Variants in FGL1 observed in about 807,000 individuals in gnomAD.
FGL1 encodes fibrinogen-like protein 1.
Under a neutral mutation model 43.7 loss-of-function variants are expected in FGL1, and 59 were observed. The ratio of observed to expected loss-of-function variants is 1.35; its 90% CI spans 1.10 to 1.68. The LOEUF is 1.68. Ranked by LOEUF, FGL1 falls within the 40% of genes most tolerant of loss-of-function variation. FGL1 has a pLI of 0.00. For synonymous variants in FGL1, 192 were observed against 126.5 expected (o/e 1.52, Z -3.48); for missense variants, 596 against 373.0 (o/e 1.60, Z -4.92).
chr8:17,884,985 T>C (rs73580114), intron 2 of FGL1, among the ~76,000 whole-genome samples: 1 of 152,082 alleles, frequency 6.6e-6, no homozygotes, highest in Non-Finnish European at 1.5e-5. Context: ...ATAACTCCAG[T>C]GAATTTTTAA....
chr8:17,865,148 A>C (rs2053251818), intron 7 of FGL1, among the ~76,000 whole-genome samples: 1 of 152,146 alleles, frequency 6.6e-6, no homozygotes, highest in Non-Finnish European at 1.5e-5. Context: ...AATACAACCC[A>C]GGCCACTCAC....
At position 17,882,132 on chromosome 8, in the gene FGL1, C is replaced by T. The variant is rs2053545742; in HGVS notation, c.111G>A (p.Val37=). 6.2e-6 allele frequency: 10 copies of T among 1,614,006 alleles called. No homozygotes were observed. Among genetic ancestry groups the T allele is most frequent in the African/African-American group, 1.3e-5 (1 of 75,014 alleles). ...AQEQMRLRAQ[V]RLLETRVKQQ... ...GTTTGACCCGGGTCTCAAGCAGGCG[C>T]ACCTGGGCTCTGAGCCGCATCTGCT... The change falls in exon 3 of 8, where the codon GTG becomes GTA. Residue 37 remains valine (V), a synonymous_variant. Transcript: ENST00000427924.
At chr8:17,881,898 C>A (rs1249751917) in intron 3 of FGL1, 101 bp downstream of exon 3, 2 of 951,472 alleles carry the variant, frequency 2.1e-6, no homozygotes, top group African/African-American at 1.6e-5. Flanking sequence ...CTTCATATTG[C>A]TTGTTACTGA....
chr8:17,882,142 C>G lies in FGL1; in HGVS notation c.101G>C (p.Arg34Thr), dbSNP rs139229522. 1.1e-3 allele frequency: 1,697 copies of G among 1,613,938 alleles called. 3 individuals are homozygous for G. Among genetic ancestry groups the G allele is most frequent in the Non-Finnish European group, 1.3e-3 (1,590 of 1,179,994 alleles). The change falls in exon 3 of 8, where the codon AGA (arginine) becomes ACA (threonine). Residue 34 changes from arginine to threonine, a missense_variant. Coordinates refer to ENST00000427924, the MANE Select transcript of FGL1 (RefSeq NM_004467.4). Reference sequence around the variant, plus strand: ...GGTCTCAAGCAGGCGCACCTGGGCTCTGAGCCGCATCTGCTCCTGGGCACA... The same window carrying G: ...GGTCTCAAGCAGGCGCACCTGGGCTGTGAGCCGCATCTGCTCCTGGGCACA... ...EDCAQEQMRL[R>T]AQVRLLETRV...
intron 1 of FGL1, 193 bp from the exon 2 acceptor site, chr8:17,885,764 G>C: frequency 1.9e-6 from 1 of 521,066 alleles, no homozygotes; most frequent in South Asian, 2.8e-5. Context: ...AACTAGAATT[G>C]AATCTGTTTC....
intron 3 of FGL1, among the ~76,000 whole-genome samples, chr8:17,879,335 A>C (rs2131720838): frequency 6.6e-6 from 1 of 152,128 alleles, no homozygotes; most frequent in East Asian, 1.9e-4. Context: ...CTTACTTCCC[A>C]AAGTCTGCTC....
intron 5 of FGL1, among the ~76,000 whole-genome samples, chr8:17,871,184 A>G (rs1421741140): frequency 2.6e-5 from 4 of 152,160 alleles, no homozygotes; most frequent in African/African-American, 7.2e-5. Context: ...AGGCTAAGTC[A>G]ACTGTCTTTA....
chr8:17,876,208 T>A (rs1303310815), intron 3 of FGL1, among the ~76,000 whole-genome samples: 1 of 152,246 alleles, frequency 6.6e-6, no homozygotes, highest in Admixed American at 6.5e-5. Context: ...ATAATTCCAT[T>A]CTTGTAGCAT....
At chr8:17,873,212 T>G (rs997607277) in intron 5 of FGL1, among the ~76,000 whole-genome samples, 1 of 152,192 alleles carries the variant, frequency 6.6e-6, no homozygotes, top group Non-Finnish European at 1.5e-5. Flanking sequence ...GTGATTTGCT[T>G]TCACCAATAG....
Position 17,883,079 on chromosome 8 carries a change from T to G in FGL1, c.64-900A>C, listed in dbSNP as rs1182665741. Among the ~76,000 whole-genome samples, 35 of 67,644 alleles carry G rather than the reference T, an allele frequency of 5.2e-4. 2 individuals are homozygous for G. The highest frequency in any genetic ancestry group is 3.1e-3 in the African/African-American group (29 of 9,352). 44.4% of individuals were successfully genotyped at this position (67,644 alleles called of 152,430 possible). A position where few individuals can be genotyped will look rare whatever the true frequency, so the allele number is the denominator to read the frequency against. On this transcript the variant is annotated intron_variant, in intron 2 of 7. Transcript: ENST00000427924. ...TATCATATGTAATATATTAAATATA[T>G]AATATATATCATATGTAATATATTA... is the stretch of plus-strand genomic sequence containing the variant.
intron 3 of FGL1, among the ~76,000 whole-genome samples, chr8:17,880,697 T>C (rs1357310970): frequency 6.6e-6 from 1 of 152,182 alleles, no homozygotes; most frequent in East Asian, 1.9e-4. Context: ...CAATGTAGCA[T>C]GGTAGTGCTA....
At chr8:17,884,152 A>G (rs532809677) in intron 2 of FGL1, among the ~76,000 whole-genome samples, 4 of 141,964 alleles carry the variant, frequency 2.8e-5, no homozygotes, top group African/African-American at 7.9e-5. Context: ...TCCAAGTCAC[A>G]GAACCTCTCC....
intron 7 of FGL1, among the ~76,000 whole-genome samples, chr8:17,867,239 C>G (rs1286014746): frequency 6.6e-6 from 1 of 152,086 alleles, no homozygotes; most frequent in African/African-American, 2.4e-5. Flanking sequence ...ATAACCGAAA[C>G]AGCTACGAAG....
Position 17,874,429 on chromosome 8 carries a change from CACAAT to C in FGL1, c.332_336del (p.Tyr111Ter). The stretch of plus-strand genomic sequence containing the variant: ...GTCCATCCTCCTCCATCGGACATGT[CACAAT>C]AAACAGAAAATTCTGCTGGGCTCTG... On this transcript the variant is annotated frameshift_variant, in exon 4 of 8. Coordinates refer to ENST00000427924, the MANE Select transcript of FGL1 (RefSeq NM_004467.4). LOFTEE classifies it high-confidence loss of function. The C allele has an allele frequency of 6.2e-7, 1 of 1,614,116 alleles. No individual in the cohort carries two copies. The highest frequency in any genetic ancestry group is 8.5e-7 in the Non-Finnish European group (1 of 1,179,976).
In FGL1 at chr8:17,885,668, C is replaced by T. The variant is rs373358723; in HGVS notation, c.-17-97G>A. 390 of 920,272 alleles carry T rather than the reference C, an allele frequency of 4.2e-4. 3 individuals are homozygous for T. The East Asian group carries it at 9.4e-3, about 22-fold the overall frequency. The allele number at this position is 920,272 out of a possible 1,614,324, so 57.0% of individuals were successfully genotyped here. Reference sequence around the variant, plus strand: ...GTAGCTCCAGGAAGTCGGATGCAGCCGCAGGCCATCCCTAATCTTAGAGTC... The same window carrying T: ...GTAGCTCCAGGAAGTCGGATGCAGCTGCAGGCCATCCCTAATCTTAGAGTC... On this transcript the variant is annotated intron_variant, in intron 1 of 7. Transcript: ENST00000427924.
At chr8:17,873,202 G>C (rs1401971248) in intron 5 of FGL1, among the ~76,000 whole-genome samples, 1 of 152,134 alleles carries the variant, frequency 6.6e-6, no homozygotes, top group African/African-American at 2.4e-5. Flanking sequence ...AGCTGCTCCT[G>C]TGATTTGCTT....
intron 7 of FGL1, among the ~76,000 whole-genome samples, chr8:17,866,612 C>T (rs1039798211): frequency 2.0e-5 from 3 of 152,202 alleles, no homozygotes; most frequent in Non-Finnish European, 4.4e-5. Flanking sequence ...TGGCAGGCTC[C>T]ACCTAATGAA....
At chr8:17,865,794 T>C (rs1414618866) in intron 7 of FGL1, among the ~76,000 whole-genome samples, 1 of 152,172 alleles carries the variant, frequency 6.6e-6, no homozygotes, top group East Asian at 1.9e-4. Context: ...CAAGAGGTAG[T>C]TCTGAACATC....
rs1431847985 is a variant in FGL1 at position 17,874,466 on chromosome 8, T to C, written c.300A>G (p.Lys100=). ...AAAATTCTGCTGGGCTCTGGAGAGG[T>C]TTGATTTTGTAAAATCCACTGAGCT... ...GYKLSGFYKI[K]PLQSPAEFSV... The change falls in exon 4 of 8, where the codon AAA becomes AAG. Residue 100 remains lysine, a synonymous_variant. Coordinates refer to ENST00000427924, the MANE Select transcript of FGL1 (RefSeq NM_004467.4). 1.2e-6 allele frequency: 2 copies of C among 1,614,032 alleles called. No individual in the cohort carries two copies. The highest frequency in any genetic ancestry group is 4.5e-5 in the East Asian group (2 of 44,866).
Sources: allele counts gnomAD v4.1 joint callset (sites outside exome capture counted in the v4.1 genomes callset), GRCh38; gene constraint gnomAD v4.1.1; transcripts MANE v1.5; gene names NCBI Gene and HGNC (gene_info 2026-07-23, HGNC 2026-07-21).